The following PHACTR3 variants were observed in gnomAD, a reference collection of about 807,000 sequenced individuals.
PHACTR3 encodes phosphatase and actin regulator 3.
Under a neutral mutation model 66.8 loss-of-function variants are expected in PHACTR3, and 16 were observed. The observed-to-expected ratio is 0.24, with a 90% confidence interval of 0.16 to 0.36. The LOEUF (loss-of-function observed/expected upper bound fraction) is 0.36. PHACTR3 is among the 10% of genes least tolerant of loss of function. The pLI is 1.00. For synonymous variants in PHACTR3, 323 were observed against 292.1 expected, an observed-to-expected ratio of 1.11 and a Z score of -1.08; for missense variants, 647 against 719.9, an observed-to-expected ratio of 0.90 and a Z score of 1.16.
chr20:59,589,698 A>C (rs769276791), intron 1 of PHACTR3, among the ~76,000 whole-genome samples: 2 of 152,234 alleles, frequency 1.3e-5, no homozygotes, highest in Non-Finnish European at 2.9e-5. Flanking sequence ...TCCAGTAAAC[A>C]TAGGAAACGT....
rs554706964 is a variant in PHACTR3, at chr20:59,805,677, G to C, written c.1175-364G>C. ...CCATGTGGAGCTGGGTGGGGGCAGT[G>C]GCCACCATGGGGAAAGTCACTGTGT... On this transcript the variant is annotated intron_variant, in intron 7 of 12. Coordinates refer to ENST00000371015, the MANE Select transcript of PHACTR3 (RefSeq NM_080672.5). Among the ~76,000 whole-genome samples the C allele has an allele frequency of 2.9e-3, 442 of 152,298 alleles. 1 individual carries two copies. The highest frequency in any genetic ancestry group is 5.2e-3 in the Non-Finnish European group (356 of 68,026).
intron 1 of PHACTR3, among the ~76,000 whole-genome samples, chr20:59,699,507 T>G (rs961749087): frequency 3.3e-5 from 5 of 152,178 alleles, no homozygotes; most frequent in Non-Finnish European, 7.3e-5. Context: ...AGATTATATT[T>G]GGTCTGGCAA....
intron 7 of PHACTR3, among the ~76,000 whole-genome samples, chr20:59,785,675 G>A (rs766136476): frequency 7.2e-5 from 11 of 152,320 alleles, no homozygotes; most frequent in Middle Eastern, 3.4e-3. Context: ...AGTCAAGAGC[G>A]TTTATTGAGC....
At chr20:59,650,926 C>G (rs1274395195) in intron 1 of PHACTR3, among the ~76,000 whole-genome samples, 1 of 151,900 alleles carries the variant, frequency 6.6e-6, no homozygotes, top group Non-Finnish European at 1.5e-5. Context: ...TACATTTGAT[C>G]TATAATGTTT....
At chr20:59,792,457 G>T (rs2041133028) in intron 7 of PHACTR3, among the ~76,000 whole-genome samples, 1 of 152,192 alleles carries the variant, frequency 6.6e-6, no homozygotes, top group Non-Finnish European at 1.5e-5. Context: ...TAGAGTTTCA[G>T]TTCCTCCACA....
chr20:59,772,249 G>C (rs58779389), intron 5 of PHACTR3, among the ~76,000 whole-genome samples: 1 of 152,148 alleles, frequency 6.6e-6, no homozygotes, highest in Non-Finnish European at 1.5e-5. Flanking sequence ...ATGGAAGGAG[G>C]GGGTGTCCCA....
At chr20:59,677,047 A>C (rs2036473635) in intron 1 of PHACTR3, among the ~76,000 whole-genome samples, 1 of 152,100 alleles carries the variant, frequency 6.6e-6, no homozygotes, top group Non-Finnish European at 1.5e-5. Flanking sequence ...AGAGTCACGA[A>C]GGTCTTTTGT....
chr20:59,730,810 C>T (rs866534), intron 1 of PHACTR3, among the ~76,000 whole-genome samples: 140,997 of 152,216 alleles, frequency 0.93, 65,481 homozygotes, highest in African/African-American at 0.98. Context: ...AATTTATGTC[C>T]CATCTGTGGC....
At chr20:59,682,784 G>C (rs113124791) in intron 1 of PHACTR3, among the ~76,000 whole-genome samples, 4 of 152,178 alleles carry the variant, frequency 2.6e-5, no homozygotes, top group African/African-American at 7.2e-5. Context: ...GGCCTGGTGG[G>C]TTCCAGGAAC....
chr20:59,678,414 T>A (rs1601081672), intron 1 of PHACTR3, among the ~76,000 whole-genome samples: 1 of 152,184 alleles, frequency 6.6e-6, no homozygotes, highest in Admixed American at 6.6e-5. Context: ...CGTGGAGTTG[T>A]TGGCATGAAG....
chr20:59,830,167 G>A lies in PHACTR3; in HGVS notation c.1329-6338G>A, dbSNP rs1386824182. Among the ~76,000 whole-genome samples, 1 of 146,032 alleles carries A rather than the reference G, an allele frequency of 6.8e-6. No homozygotes were observed. Among genetic ancestry groups the A allele is most frequent in the African/African-American group, 2.8e-5 (1 of 36,150 alleles). Reference sequence around the variant, plus strand: ...AGACAGGAGCATGTGCGTGTCTGGTGGAAGAGGGTGTGCGTGTCTGATGGA... The same window carrying A: ...AGACAGGAGCATGTGCGTGTCTGGTAGAAGAGGGTGTGCGTGTCTGATGGA... On this transcript the variant is annotated intron_variant, in intron 8 of 12. Transcript: ENST00000371015. This position sits in a 1 kb window ranked among gnomAD's most constrained non-coding sequence, Gnocchi z 5.8.
chr20:59,755,130 G>T lies in PHACTR3; in HGVS notation c.359-52G>T, dbSNP rs2039737440. 9.6e-6 allele frequency: 15 copies of T among 1,562,064 alleles called. No individual in the cohort carries two copies. The Admixed American group carries it at 1.2e-4, about 12-fold the overall frequency. ...CAGAAAGACTCTTGGGACGACGGAAGGGATGAAGGAAGGGAGGTGCAGGCC... is the reference window on the plus strand; with the variant it reads ...CAGAAAGACTCTTGGGACGACGGAATGGATGAAGGAAGGGAGGTGCAGGCC... On this transcript the variant is annotated intron_variant, in intron 3 of 12. Coordinates refer to ENST00000371015, the MANE Select transcript of PHACTR3 (RefSeq NM_080672.5).
At position 59,806,093 on chromosome 20, in the gene PHACTR3, C is replaced by A; in HGVS notation, c.1227C>A (p.Asn409Lys). The change falls in exon 8 of 13, where the codon AAC becomes AAA. Residue 409 changes from asparagine to lysine, a missense_variant. Asn to Lys is a moderately conservative substitution (Grantham distance 94). Coordinates refer to ENST00000371015, the MANE Select transcript of PHACTR3 (RefSeq NM_080672.5). Reference protein sequence around the residue: ...KKELLAVKLRNRPSKQELEDR... With the variant: ...KKELLAVKLRKRPSKQELEDR... ...AGCTCCTGGCCGTGAAGCTAAGGAA[C>A]CGGCCAAGCAAACAGGAACTAGAAG... 6.2e-7 allele frequency: 1 copy of A among 1,614,224 alleles called. No individual in the cohort carries two copies. The highest frequency in any genetic ancestry group is 8.5e-7 in the Non-Finnish European group (1 of 1,180,036).
intron 1 of PHACTR3, among the ~76,000 whole-genome samples, chr20:59,667,609 G>A (rs574756246): frequency 2.6e-5 from 4 of 152,268 alleles, no homozygotes; most frequent in South Asian, 4.1e-4. Context: ...ACTTTCCCCT[G>A]TCTCCAGAAA....
At chr20:59,759,056 G>A (rs763206912) in intron 4 of PHACTR3, among the ~76,000 whole-genome samples, 10 of 152,154 alleles carry the variant, frequency 6.6e-5, no homozygotes, top group Non-Finnish European at 1.3e-4. Flanking sequence ...ACAACCCTTG[G>A]AAAGGGACGC....
At chr20:59,680,797 G>T (rs375591805) in intron 1 of PHACTR3, among the ~76,000 whole-genome samples, 4 of 152,140 alleles carry the variant, frequency 2.6e-5, no homozygotes, top group Non-Finnish European at 5.9e-5. Flanking sequence ...AAAACTCAGG[G>T]CCTCAATCCC....
intron 2 of PHACTR3, among the ~76,000 whole-genome samples, chr20:59,745,211 G>C (rs754529480): frequency 6.6e-6 from 1 of 152,202 alleles, no homozygotes; most frequent in Non-Finnish European, 1.5e-5. Context: ...AAAAGGCAGC[G>C]AGCTGGGGAA....
chr20:59,727,457 T>A (rs1166766081), intron 1 of PHACTR3, among the ~76,000 whole-genome samples: 3 of 152,062 alleles, frequency 2.0e-5, no homozygotes, highest in Admixed American at 6.5e-5. Context: ...AGAGAAGGGA[T>A]GGGGGAACTA....
intron 4 of PHACTR3, among the ~76,000 whole-genome samples, chr20:59,763,708 G>A (rs2040080875): frequency 6.6e-6 from 1 of 152,244 alleles, no homozygotes; most frequent in African/African-American, 2.4e-5. Context: ...AGACAGGGAA[G>A]AGGACCTAGG....
Sources: gnomAD v4.1 joint callset for allele counts (sites outside exome capture counted in the v4.1 genomes callset) on GRCh38, gnomAD v4.1.1 for gene constraint, Gnocchi (gnomAD v3.1) non-coding constraint, MANE v1.5 for transcripts, NCBI Gene and HGNC (gene_info 2026-07-23, HGNC 2026-07-21) for gene names.